CCDC175: variants seen among roughly 807,000 people sequenced by gnomAD.
The protein encoded by CCDC175 is coiled-coil domain-containing protein 175.
Under a neutral mutation model 114.6 loss-of-function variants are expected in CCDC175, and 100 were observed. The ratio of observed to expected loss-of-function variants is 0.87; its 90% CI spans 0.74 to 1.03. The LOEUF is 1.03. CCDC175 is among the 50% of genes least tolerant of loss of function. CCDC175 has a pLI of 0.00. For missense variants in CCDC175, 880 were observed against 917.8 expected, an observed-to-expected ratio of 0.96 and a Z score of 0.53; for synonymous variants, 306 against 308.7, an observed-to-expected ratio of 0.99 and a Z score of 0.09.
At chr14:59,560,588 TAA>T (rs1469583477) in intron 7 of CCDC175, among the ~76,000 whole-genome samples, 1 of 152,128 alleles carries the variant, frequency 6.6e-6, no homozygotes, top group Non-Finnish European at 1.5e-5. Flanking sequence ...TGTGTGCAGA[TAA>T]AGAGAGGAGT....
chr14:59,515,625 A>C (rs1329272695), intron 17 of CCDC175, among the ~76,000 whole-genome samples: 1 of 152,182 alleles, frequency 6.6e-6, no homozygotes. Flanking sequence ...AACTATCCTA[A>C]ATATATATGC....
intron 7 of CCDC175, among the ~76,000 whole-genome samples, chr14:59,553,425 G>A (rs527922857): frequency 6.6e-6 from 1 of 152,298 alleles, no homozygotes; most frequent in South Asian, 2.1e-4. Context: ...GAGAGATTTT[G>A]TCACCACCAG....
intron 17 of CCDC175, among the ~76,000 whole-genome samples, chr14:59,516,739 T>C (rs1264285581): frequency 6.6e-6 from 1 of 151,996 alleles, no homozygotes; most frequent in Non-Finnish European, 1.5e-5. Context: ...CTACCAGAGG[T>C]ACAAGGAGGA....
rs1329273560 is a variant in CCDC175 at position 59,531,917 on chromosome 14, AG to A, written c.1624-8del. 6 of 1,097,414 alleles carry A rather than the reference AG, an allele frequency of 5.5e-6. No individual in the cohort carries two copies. The highest frequency in any genetic ancestry group is 2.4e-4 in the Middle Eastern group (1 of 4,246). 68.0% of individuals were successfully genotyped at this position (1,097,414 alleles called of 1,614,324 possible). On this transcript the variant is annotated splice_region_variant and splice_polypyrimidine_tract_variant and intron_variant, in intron 13 of 19. Coordinates refer to ENST00000537690, the MANE Select transcript of CCDC175 (RefSeq NM_001164399.2). ...TTTCCTTAACAAATATTTCCTTTAAAGAAAATAAAATCAATTGAGAAATATA... is the reference window on the plus strand; with the variant it reads ...TTTCCTTAACAAATATTTCCTTTAAAAAAATAAAATCAATTGAGAAATATA...
intron 17 of CCDC175, among the ~76,000 whole-genome samples, chr14:59,513,400 G>T (rs113961160): frequency 0.012 from 1,806 of 152,290 alleles, 28 homozygotes; most frequent in African/African-American, 0.042. Flanking sequence ...AAGGGGTCAG[G>T]GAATTCCCTT....
At chr14:59,555,378 A>G (rs1453749709) in intron 7 of CCDC175, among the ~76,000 whole-genome samples, 1 of 152,244 alleles carries the variant, frequency 6.6e-6, no homozygotes, top group East Asian at 1.9e-4. Flanking sequence ...GATTATCTCA[A>G]TAGATGCAGA....
chr14:59,513,834 G>A (rs543830052), intron 17 of CCDC175, among the ~76,000 whole-genome samples: 16 of 152,164 alleles, frequency 1.1e-4, no homozygotes, highest in East Asian at 5.8e-4. Flanking sequence ...CTCCTAGCAC[G>A]CAGCTGGAGA....
Position 59,576,690 on chromosome 14 carries a change from T to C in CCDC175, c.86A>G (p.Glu29Gly). Residue 29 changes from glutamate to glycine, a missense_variant, in exon 1 of 20, where the codon GAG becomes GGG. Coordinates refer to ENST00000537690, the MANE Select transcript of CCDC175 (RefSeq NM_001164399.2). ...CAGGGTGGAGGGTAAGGTGCATAAC[T>C]CCAGGGAGGGGCCAGTGGAGACGGC... The part of the protein sequence containing the change: ...AAAVSTGPSL[E>G]LCTLPSTLGS... The C allele has an allele frequency of 6.7e-7, 1 of 1,487,310 alleles. No individual in the cohort carries two copies. The highest frequency in any genetic ancestry group is 8.9e-7 in the Non-Finnish European group (1 of 1,126,148). The allele number at this position is 1,487,310 out of a possible 1,614,324, so 92.1% of individuals were successfully genotyped here. A position where few individuals can be genotyped will look rare whatever the true frequency, so the allele number is the denominator to read the frequency against.
intron 7 of CCDC175, among the ~76,000 whole-genome samples, chr14:59,551,643 C>T (rs1216508960): frequency 6.6e-6 from 1 of 152,154 alleles, no homozygotes; most frequent in East Asian, 1.9e-4. Context: ...GTGCAGCCCA[C>T]TGAGCGAGAG....
At chr14:59,569,256 T>C (rs1896723060) in intron 3 of CCDC175, among the ~76,000 whole-genome samples, 1 of 152,198 alleles carries the variant, frequency 6.6e-6, no homozygotes, top group Non-Finnish European at 1.5e-5. Context: ...ACTAGTTAAA[T>C]TGCTTGTTGC....
chr14:59,556,265 G>T (rs769086468), intron 7 of CCDC175, among the ~76,000 whole-genome samples: 1 of 152,078 alleles, frequency 6.6e-6, no homozygotes, highest in African/African-American at 2.4e-5. Context: ...AAACAGAGAT[G>T]TAGACCAATG....
chr14:59,508,146 T>A (rs1892532607), intron 19 of CCDC175, among the ~76,000 whole-genome samples: 1 of 152,102 alleles, frequency 6.6e-6, no homozygotes, highest in African/African-American at 2.4e-5. Flanking sequence ...CTCTTTTGCT[T>A]AATAAATACA....
chr14:59,533,274 C>T (rs1027942018), intron 13 of CCDC175, among the ~76,000 whole-genome samples: 1 of 152,200 alleles, frequency 6.6e-6, no homozygotes, highest in African/African-American at 2.4e-5. Flanking sequence ...CACAGTTTCC[C>T]ATGGGTTATT....
intron 17 of CCDC175, among the ~76,000 whole-genome samples, chr14:59,517,823 T>G (rs1013362666): frequency 2.0e-5 from 3 of 152,108 alleles, no homozygotes; most frequent in Non-Finnish European, 2.9e-5. Flanking sequence ...AAAACTACTT[T>G]AAAGTTCATA....
At chr14:59,538,625 T>C in intron 12 of CCDC175, 80 bp downstream of exon 12, 1 of 1,153,366 alleles carries the variant, frequency 8.7e-7, no homozygotes, top group Non-Finnish European at 1.2e-6. Context: ...TTTAATAAGA[T>C]AGGATTTAAT....
intron 7 of CCDC175, among the ~76,000 whole-genome samples, chr14:59,555,222 A>G (rs1313856052): frequency 1.3e-5 from 2 of 152,182 alleles, no homozygotes; most frequent in Non-Finnish European, 2.9e-5. Flanking sequence ...TCAATAAAAT[A>G]CTGGCAAACC....
At chr14:59,528,923 C>A (rs1893903387) in intron 14 of CCDC175, among the ~76,000 whole-genome samples, 1 of 152,104 alleles carries the variant, frequency 6.6e-6, no homozygotes, top group Non-Finnish European at 1.5e-5. Context: ...ATATTTATTT[C>A]TCTAAGAATA....
At chr14:59,557,626 AAAAAG>A (rs1329899664) in intron 7 of CCDC175, among the ~76,000 whole-genome samples, 3 of 99,784 alleles carry the variant, frequency 3.0e-5, no homozygotes, top group African/African-American at 8.3e-5. Flanking sequence ...AAACAAAAAG[AAAAAG>A]AAAAAAAAAA....
chr14:59,558,075 G>A (rs1211200099), intron 7 of CCDC175, among the ~76,000 whole-genome samples: 2 of 152,184 alleles, frequency 1.3e-5, no homozygotes, highest in African/African-American at 2.4e-5. Context: ...AGACTTGAAT[G>A]TTAAGACAGA....
Sources: gnomAD v4.1 joint callset for allele counts (sites outside exome capture counted in the v4.1 genomes callset) on GRCh38, gnomAD v4.1.1 for gene constraint, MANE v1.5 for transcripts, NCBI Gene and HGNC (gene_info 2026-07-23, HGNC 2026-07-21) for gene names.